The following MAOA variants were observed in gnomAD, a reference collection of about 807,000 sequenced individuals.
MAOA encodes the protein monoamine oxidase A.
Under a neutral mutation model 42.0 loss-of-function variants are expected in MAOA, and 6 were observed. That is an observed-to-expected ratio of 0.14 (90% CI 0.08 to 0.28). The LOEUF (loss-of-function observed/expected upper bound fraction) is 0.28. Among genes scored for constraint, MAOA ranks in the 10% least tolerant of loss-of-function variants. The pLI, the probability that MAOA is intolerant of heterozygous loss-of-function variation, is 1.00. For synonymous variants in MAOA, 140 were observed against 154.0 expected (o/e 0.91, Z 0.67); for missense variants, 262 against 422.3 (o/e 0.62, Z 3.33).
intron 2 of MAOA, 110 bp downstream of exon 2, chrX:43,683,717 C>A: frequency 3.3e-6 from 2 of 612,711 alleles, no homozygotes; most frequent in East Asian, 3.5e-5. Flanking sequence ...GCAGTTAAGC[C>A]GTTTGTCCTC....
chrX:43,687,421 T>C (rs7051042), intron 2 of MAOA, among the ~76,000 whole-genome samples: 6,943 of 111,924 alleles, frequency 0.062, 564 homozygotes, highest in African/African-American at 0.21. Context: ...CAGAAATTTA[T>C]TGGAGTACTA....
At chrX:43,655,365 A>G (rs754285258), upstream of MAOA, 1 of 112,458 alleles carries the variant, frequency 8.9e-6, no homozygotes, top group South Asian at 3.7e-4. Flanking sequence ...CCAGTGGAGC[A>G]CGTCCTCAAC....
intron 10 of MAOA, among the ~76,000 whole-genome samples, chrX:43,737,389 C>G (rs1005960624): frequency 5.4e-5 from 6 of 111,928 alleles, no homozygotes; most frequent in African/African-American, 1.9e-4. Context: ...GTGCCTGAAA[C>G]TGGGTAATTT....
At chrX:43,691,373 C>CAA (rs1309475225) in intron 2 of MAOA, among the ~76,000 whole-genome samples, 8 of 79,987 alleles carry the variant, frequency 1.0e-4, no homozygotes, top group Non-Finnish European at 1.7e-4. Context: ...GACCCTGTCT[C>CAA]AAAAAAAAAA....
At chrX:43,696,393 C>A (rs1055899204) in intron 3 of MAOA, among the ~76,000 whole-genome samples, 2 of 112,071 alleles carry the variant, frequency 1.8e-5, no homozygotes, top group African/African-American at 3.2e-5. Context: ...GACTTGGTAG[C>A]CCGAGGCTGC....
intron 9 of MAOA, among the ~76,000 whole-genome samples, chrX:43,733,785 T>C (rs1448267133): frequency 9.0e-6 from 1 of 111,688 alleles, no homozygotes; most frequent in Non-Finnish European, 1.9e-5. Context: ...CCAGGGAAGT[T>C]AGAAAGCAGG....
rs143029826 is a variant in MAOA at position 43,680,071 on chromosome X, C to T, written c.74-3442C>T. On this transcript the variant is annotated intron_variant, in intron 1 of 14. Transcript: ENST00000338702. The stretch of plus-strand genomic sequence containing the variant: ...GCTGATTCCACAAATTCATTACATA[C>T]TTAAATCTTTTATGGGCATCAGCAA... 1.0e-2 allele frequency among the ~76,000 whole-genome samples: 1,117 copies of T among 111,946 alleles called. 16 individuals are homozygous for T. The highest frequency in any genetic ancestry group is 0.033 in the African/African-American group (1,028 of 30,801).
intron 3 of MAOA, among the ~76,000 whole-genome samples, chrX:43,703,309 G>A (rs2033637474): frequency 9.0e-6 from 1 of 111,718 alleles, no homozygotes; most frequent in South Asian, 3.8e-4. Flanking sequence ...TTTGCCCTTT[G>A]CCCCTCTCTA....
chrX:43,736,571 G>A lies in MAOA; in HGVS notation c.1106+291G>A, dbSNP rs186247738. ...AATATTAGCTGTGAAAAATGCTGTA[G>A]AAACCGAATCCCAATCCTCTTTCAA... On this transcript the variant is annotated intron_variant, in intron 10 of 14. Coordinates refer to ENST00000338702, the MANE Select transcript of MAOA (RefSeq NM_000240.4). Among the ~76,000 whole-genome samples, 7 of 111,775 alleles carry A rather than the reference G, an allele frequency of 6.3e-5. No individual in the cohort carries two copies. In the East Asian group the frequency reaches 2.0e-3, roughly 31 times the overall value.
At chrX:43,737,659 A>T (rs1350324959) in intron 10 of MAOA, among the ~76,000 whole-genome samples, 1 of 111,765 alleles carries the variant, frequency 8.9e-6, no homozygotes, top group Non-Finnish European at 1.9e-5. Context: ...TAATCTATTC[A>T]TGAGAGCAGA....
At chrX:43,668,764 T>A (rs2033304032) in intron 1 of MAOA, among the ~76,000 whole-genome samples, 1 of 111,951 alleles carries the variant, frequency 8.9e-6, no homozygotes, top group Admixed American at 9.5e-5. Context: ...GTTGAGCTAG[T>A]TATAATGCTT....
At chrX:43,743,269 G>A (rs1335611471) in intron 12 of MAOA, among the ~76,000 whole-genome samples, 4 of 111,094 alleles carry the variant, frequency 3.6e-5, no homozygotes, top group Non-Finnish European at 7.6e-5. Flanking sequence ...CTGTACAGAG[G>A]TTGTTTTCTT....
chrX:43,658,250 A>G (rs2033202542), intron 1 of MAOA, among the ~76,000 whole-genome samples: 1 of 111,406 alleles, frequency 9.0e-6, no homozygotes, highest in Non-Finnish European at 1.9e-5. Context: ...TTTTATTCTT[A>G]GTCTTTTTCT....
chrX:43,667,324 T>A (rs2033291073), intron 1 of MAOA, among the ~76,000 whole-genome samples: 1 of 111,105 alleles, frequency 9.0e-6, no homozygotes, highest in African/African-American at 3.3e-5. Context: ...TTTATTTGTC[T>A]CTCTTTCCCA....
At chrX:43,670,040 A>G (rs2033316128) in intron 1 of MAOA, among the ~76,000 whole-genome samples, 1 of 111,836 alleles carries the variant, frequency 8.9e-6, no homozygotes, top group Non-Finnish European at 1.9e-5. Flanking sequence ...AATGGTGATG[A>G]TGATAGCTCA....
chrX:43,716,062 G>T (rs2033741297), intron 5 of MAOA, among the ~76,000 whole-genome samples: 1 of 110,744 alleles, frequency 9.0e-6, no homozygotes. Context: ...GGTTGTGAAG[G>T]GGGATATCTT....
At chrX:43,741,803 C>A in intron 11 of MAOA, 147 bp from the exon 12 acceptor site, 3 of 1,048,226 alleles carry the variant, frequency 2.9e-6, no homozygotes, top group Non-Finnish European at 3.8e-6. Context: ...TTGCTTGGTA[C>A]TATCATGTTT....
intron 1 of MAOA, among the ~76,000 whole-genome samples, chrX:43,682,540 T>C (rs764860611): frequency 9.0e-6 from 1 of 111,553 alleles, no homozygotes; most frequent in East Asian, 2.8e-4. Context: ...TATCTGCGAG[T>C]CCATATTGAT....
chrX:43,740,878 C>T (rs1415170745), intron 11 of MAOA, 140 bp downstream of exon 11: 2 of 536,146 alleles, frequency 3.7e-6, no homozygotes, highest in South Asian at 3.1e-5. Flanking sequence ...TAAACTTCAG[C>T]AGTCACAAAA....
Sources: gnomAD v4.1 joint callset for allele counts (sites outside exome capture counted in the v4.1 genomes callset) on GRCh38, gnomAD v4.1.1 for gene constraint, MANE v1.5 for transcripts, NCBI Gene and HGNC (gene_info 2026-07-23, HGNC 2026-07-21) for gene names.